The following RALGAPA1 variants were observed in gnomAD, a reference collection of about 807,000 sequenced individuals.
RALGAPA1 encodes ral GTPase-activating protein subunit alpha-1.
Under a neutral mutation model 269.6 loss-of-function variants are expected in RALGAPA1, and 52 were observed. The ratio of observed to expected loss-of-function variants is 0.19; its 90% confidence interval spans 0.15 to 0.24. The LOEUF (loss-of-function observed/expected upper bound fraction) is 0.24, where lower values mean the gene tolerates loss of function less well. Among genes scored for constraint, RALGAPA1 ranks in the 10% least tolerant of loss-of-function variants. The pLI is 1.00. For missense variants in RALGAPA1, 1,917 were observed against 3,013.9 expected, an observed-to-expected ratio of 0.64 and a Z score of 8.52; for synonymous variants, 817 against 1,008.3, an observed-to-expected ratio of 0.81 and a Z score of 3.60.
chr14:35,719,930 T>G (rs1212519054), intron 16 of RALGAPA1, among the ~76,000 whole-genome samples: 3 of 152,084 alleles, frequency 2.0e-5, no homozygotes, highest in Non-Finnish European at 2.9e-5. Context: ...TTTTTTGTAT[T>G]TTTACTACAG....
At position 35,689,190 on chromosome 14, in the gene RALGAPA1, C is replaced by A. The variant is rs1303784364; in HGVS notation, c.3221G>T (p.Cys1074Phe). Residue 1074 changes from cysteine (C) to phenylalanine (F), a missense_variant, in exon 18 of 42, where the codon TGT becomes TTT. Physicochemically the swap from Cys to Phe is radical, Grantham distance 205 (BLOSUM62 -2). This residue lies in a region of RALGAPA1 where 615 missense variants were observed against 790.0 expected (regional missense o/e 0.78). Transcript: ENST00000680220. Reference protein sequence around the residue: ...YRQAATELDACVDVTLVEKLK... With the variant: ...YRQAATELDAFVDVTLVEKLK... Reference sequence around the variant, plus strand: ...CTTTTCAACTAGTGTTACATCAACACAAGCATCTAATTCTGTGGCTGCTTG... The same window carrying A: ...CTTTTCAACTAGTGTTACATCAACAAAAGCATCTAATTCTGTGGCTGCTTG... 6 of 1,233,016 alleles carry A rather than the reference C, an allele frequency of 4.9e-6. No individual in the cohort carries two copies. Among genetic ancestry groups the A allele is most frequent in the Non-Finnish European group, 6.1e-6 (6 of 988,638 alleles). 76.4% of individuals were successfully genotyped at this position (1,233,016 alleles called of 1,614,324 possible). A position where few individuals can be genotyped will look rare whatever the true frequency, so the allele number is the denominator to read the frequency against.
intron 33 of RALGAPA1, among the ~76,000 whole-genome samples, chr14:35,629,205 T>C (rs1294917267): frequency 6.6e-6 from 1 of 152,154 alleles, no homozygotes; most frequent in Non-Finnish European, 1.5e-5. Flanking sequence ...GTTATCTTAA[T>C]GCGTTTCATC....
At chr14:35,704,346 A>AT (rs1224185775) in intron 16 of RALGAPA1, among the ~76,000 whole-genome samples, 1 of 152,122 alleles carries the variant, frequency 6.6e-6, no homozygotes, top group East Asian at 1.9e-4. Context: ...TACTCTCCAC[A>AT]TTTTTTACAT....
chr14:35,674,500 G>T lies in RALGAPA1; in HGVS notation c.4818+16C>A. On this transcript the variant is annotated intron_variant, in intron 23 of 41. Transcript: ENST00000680220. ...TTTATTTTCTTCTCCACTTATATCC[G>T]CTATTTCTTTTTTACCTTAGCTAGA... 1.3e-6 allele frequency: 2 copies of T among 1,582,934 alleles called. No individual in the cohort carries two copies. Among genetic ancestry groups the T allele is most frequent in the South Asian group, 1.2e-5 (1 of 84,782 alleles).
At chr14:35,656,647 C>T (rs2063194063) in intron 28 of RALGAPA1, among the ~76,000 whole-genome samples, 1 of 152,184 alleles carries the variant, frequency 6.6e-6, no homozygotes, top group Non-Finnish European at 1.5e-5. Context: ...TGTCCCGATA[C>T]TGATATTCTT....
At chr14:35,757,410 G>A (rs1037089693) in intron 6 of RALGAPA1, among the ~76,000 whole-genome samples, 6 of 151,994 alleles carry the variant, frequency 3.9e-5, no homozygotes, top group Non-Finnish European at 5.9e-5. Context: ...GTGAGCCACC[G>A]TGCCTGGCCA....
chr14:35,692,876 TAAA>T (rs972469077), intron 17 of RALGAPA1, among the ~76,000 whole-genome samples: 2 of 151,972 alleles, frequency 1.3e-5, no homozygotes, highest in African/African-American at 4.8e-5. Context: ...AGAAAAAGAC[TAAA>T]TAATAACTAA....
chr14:35,626,775 C>G lies in RALGAPA1; in HGVS notation c.6857+315G>C, dbSNP rs189192523. ...CTGAGTTAATTTCCCTGATTCAAAC[C>G]GGAAATAATCATATTGCAGTTTCTA... On this transcript the variant is annotated intron_variant, in intron 34 of 41. Coordinates refer to ENST00000680220, the MANE Select transcript of RALGAPA1 (RefSeq NM_001346249.2). Among the ~76,000 whole-genome samples, 54 of 151,386 alleles carry G rather than the reference C, an allele frequency of 3.6e-4. 2 individuals are homozygous for G. The East Asian group carries it at 0.01, about 29-fold the overall frequency.
At chr14:35,621,399 C>G (rs2060617201) in intron 35 of RALGAPA1, among the ~76,000 whole-genome samples, 1 of 152,138 alleles carries the variant, frequency 6.6e-6, no homozygotes, top group South Asian at 2.1e-4. Context: ...AGACCTAAAA[C>G]CATCAAAACC....
chr14:35,739,275 T>C, intron 11 of RALGAPA1, among the ~76,000 whole-genome samples: 1 of 152,188 alleles, frequency 6.6e-6, no homozygotes, highest in Admixed American at 6.5e-5. Flanking sequence ...CACCAATATC[T>C]TTAAATAGTT....
intron 31 of RALGAPA1, among the ~76,000 whole-genome samples, chr14:35,644,290 A>T (rs955114057): frequency 6.6e-6 from 1 of 152,250 alleles, no homozygotes; most frequent in Non-Finnish European, 1.5e-5. Context: ...TATCTAGGCT[A>T]TGTGTAACAA....
intron 35 of RALGAPA1, among the ~76,000 whole-genome samples, chr14:35,622,386 G>C (rs972687918): frequency 6.6e-6 from 1 of 152,176 alleles, no homozygotes; most frequent in Non-Finnish European, 1.5e-5. Context: ...CTGGGGTAGG[G>C]ATAGAATTAG....
chr14:35,603,991 G>A (rs951697147), intron 36 of RALGAPA1, among the ~76,000 whole-genome samples: 5 of 152,076 alleles, frequency 3.3e-5, no homozygotes, highest in African/African-American at 4.8e-5. Flanking sequence ...AGCTAGAAGA[G>A]GAGATTTGAA....
intron 37 of RALGAPA1, among the ~76,000 whole-genome samples, chr14:35,578,248 T>G (rs2057708228): frequency 6.6e-6 from 1 of 152,202 alleles, no homozygotes; most frequent in Non-Finnish European, 1.5e-5. Context: ...TAAATATACT[T>G]TTCTCAATAC....
At chr14:35,713,001 T>G (rs1196786411) in intron 16 of RALGAPA1, among the ~76,000 whole-genome samples, 1 of 152,186 alleles carries the variant, frequency 6.6e-6, no homozygotes, top group Non-Finnish European at 1.5e-5. Context: ...GGCCTAATCA[T>G]GCAGGGCCTT....
At chr14:35,712,225 T>G (rs2140849524) in intron 16 of RALGAPA1, among the ~76,000 whole-genome samples, 1 of 134,584 alleles carries the variant, frequency 7.4e-6, no homozygotes, top group East Asian at 2.1e-4. Flanking sequence ...CCAGCCTGGG[T>G]GACAGAGCAT....
At position 35,541,827 on chromosome 14, in the gene RALGAPA1, G is replaced by A. The variant is rs375612021; in HGVS notation, c.*24-2137C>T. ...TTTCTTTGTTGTGAATGAAGAAATG[G>A]AGTAGCAAGCAGAAGTGAGAAAGCA... On this transcript the variant is annotated intron_variant, in intron 41 of 41. Transcript: ENST00000680220. 2.2e-5 allele frequency: 10 copies of A among 457,584 alleles called. No individual in the cohort carries two copies. In the East Asian group the frequency reaches 6.2e-4, roughly 29 times the overall value. 28.3% of individuals were successfully genotyped at this position (457,584 alleles called of 1,614,324 possible). A position where few individuals can be genotyped will look rare whatever the true frequency, so the allele number is the denominator to read the frequency against.
chr14:35,732,130 A>G (rs2070538243), intron 12 of RALGAPA1, among the ~76,000 whole-genome samples: 2 of 152,192 alleles, frequency 1.3e-5, no homozygotes, highest in Admixed American at 1.3e-4. Context: ...TGTATCCAGC[A>G]AAACTAAGCA....
Position 35,772,271 on chromosome 14 carries a change from C to T in RALGAPA1, c.268-1272G>A, listed in dbSNP as rs149819744. ...GAGTATTACTATGTTGTCCAGGCTGCGCCCAAGCTTCAGGCCTCAAGCAAT... is the reference window on the plus strand; with the variant it reads ...GAGTATTACTATGTTGTCCAGGCTGTGCCCAAGCTTCAGGCCTCAAGCAAT... On this transcript the variant is annotated intron_variant, in intron 3 of 41. Transcript: ENST00000680220. Among the ~76,000 whole-genome samples, 17 of 151,912 alleles carry T rather than the reference C, an allele frequency of 1.1e-4. 1 individual carries two copies. In the East Asian group the frequency reaches 2.2e-3, roughly 19 times the overall value.
Sources: allele counts gnomAD v4.1 joint callset (sites outside exome capture counted in the v4.1 genomes callset), GRCh38; gene constraint gnomAD v4.1.1; regional missense constraint gnomAD v4.1.1; transcripts MANE v1.5; gene names NCBI Gene and HGNC (gene_info 2026-07-23, HGNC 2026-07-21).